The following GRIN2A variants were observed in gnomAD, a reference collection of about 807,000 sequenced individuals.
GRIN2A encodes glutamate ionotropic receptor NMDA type subunit 2A.
GRIN2A carries 22 observed loss-of-function variants against 113.4 expected under a neutral mutation model. The ratio of observed to expected loss-of-function variants is 0.19; its 90% CI spans 0.14 to 0.28. The LOEUF (loss-of-function observed/expected upper bound fraction) is 0.28, where lower values mean the gene tolerates loss of function less well. GRIN2A is among the 10% of genes least tolerant of loss of function. GRIN2A has a pLI of 1.00. For synonymous variants in GRIN2A, 827 were observed against 738.4 expected, an observed-to-expected ratio of 1.12 and a Z score of -1.94; for missense variants, 1,502 against 1,887.0, an observed-to-expected ratio of 0.80 and a Z score of 3.78.
chr16:10,120,354 G>C (rs758805573), intron 2 of GRIN2A, among the ~76,000 whole-genome samples: 5 of 152,128 alleles, frequency 3.3e-5, no homozygotes, highest in Non-Finnish European at 7.4e-5. Context: ...GAATTCTCCT[G>C]CTCAAAATGT....
rs1405692154 is a variant in GRIN2A at position 9,754,175 on chromosome 16, T to C, written c.*8974A>G. On this transcript the variant is annotated 3_prime_UTR_variant, in exon 13 of 13. Transcript: ENST00000330684. ...AATATATATACTATACATAAACATA[T>C]ACACATAAACATTCTGGGGTGATAT... is the stretch of plus-strand genomic sequence containing the variant. 6 of 187,074 alleles carry C rather than the reference T, an allele frequency of 3.2e-5. No homozygotes were observed. Among genetic ancestry groups the C allele is most frequent in the Non-Finnish European group, 6.8e-5 (6 of 88,738 alleles). 11.6% of individuals were successfully genotyped at this position (187,074 alleles called of 1,614,324 possible). A position where few individuals can be genotyped will look rare whatever the true frequency, so the allele number is the denominator to read the frequency against.
chr16:9,949,285 A>G (rs1181889864), intron 2 of GRIN2A, among the ~76,000 whole-genome samples: 1 of 152,232 alleles, frequency 6.6e-6, no homozygotes, highest in Non-Finnish European at 1.5e-5. Context: ...CAGTGAAGGT[A>G]TAAGTAAGCA....
chr16:10,090,882 T>C lies in GRIN2A; in HGVS notation c.414+89116A>G, dbSNP rs79486789. Among the ~76,000 whole-genome samples the C allele has an allele frequency of 1.3e-3, 191 of 152,212 alleles. 1 individual carries two copies. Among genetic ancestry groups the C allele is most frequent in the African/African-American group, 4.5e-3 (185 of 41,546 alleles). On this transcript the variant is annotated intron_variant, in intron 2 of 12. Coordinates refer to ENST00000330684, the MANE Select transcript of GRIN2A (RefSeq NM_001134407.3). ...AAATAAGATGAGCTAAAAAACTCTA[T>C]ACTCAATAGTTATTTCATCAAAGAT...
intron 2 of GRIN2A, among the ~76,000 whole-genome samples, chr16:10,170,200 G>T (rs1262968115): frequency 6.6e-6 from 1 of 152,176 alleles, no homozygotes; most frequent in African/African-American, 2.4e-5. Flanking sequence ...CAGTACACCG[G>T]TTCATGACCC....
chr16:9,833,834 C>T (rs576532392), intron 8 of GRIN2A, among the ~76,000 whole-genome samples: 2 of 152,292 alleles, frequency 1.3e-5, no homozygotes, highest in African/African-American at 4.8e-5. Flanking sequence ...ATTCTCCTGC[C>T]TCTGCCTCAT....
chr16:9,966,735 C>T (rs1374002004), intron 2 of GRIN2A, among the ~76,000 whole-genome samples: 5 of 152,188 alleles, frequency 3.3e-5, no homozygotes, highest in South Asian at 2.1e-4. Flanking sequence ...ACACTCCCAC[C>T]AACAGTGTAT....
intron 8 of GRIN2A, among the ~76,000 whole-genome samples, chr16:9,830,405 A>G (rs771581580): frequency 2.6e-5 from 4 of 152,016 alleles, no homozygotes; most frequent in Non-Finnish European, 5.9e-5. Context: ...TGATATGCCA[A>G]AATTTATGGC....
intron 3 of GRIN2A, among the ~76,000 whole-genome samples, chr16:9,902,921 C>G (rs1243421665): frequency 7.9e-6 from 1 of 126,444 alleles, no homozygotes; most frequent in Admixed American, 1.1e-4. Flanking sequence ...TCCTAATAAT[C>G]TTTCCTTCTC....
Position 9,760,374 on chromosome 16 carries a change from A to ATTTTTTTTTT in GRIN2A, c.*2765_*2774dup, listed in dbSNP as rs35189803. ...AAATTGACCATCTGATCAGTAGTTG[A>ATTTTTTTTTT]TTTTTTTTTTTTTTTTTTTTTTTTG... On this transcript the variant is annotated 3_prime_UTR_variant, in exon 13 of 13. Coordinates refer to ENST00000330684, the MANE Select transcript of GRIN2A (RefSeq NM_001134407.3). The ATTTTTTTTTT allele has an allele frequency of 5.4e-3, 512 of 94,022 alleles. 19 individuals are homozygous for ATTTTTTTTTT. Among genetic ancestry groups the ATTTTTTTTTT allele is most frequent in the Non-Finnish European group, 6.2e-3 (336 of 53,840 alleles). 5.8% of individuals were successfully genotyped at this position (94,022 alleles called of 1,614,324 possible).
intron 11 of GRIN2A, among the ~76,000 whole-genome samples, chr16:9,777,459 A>G (rs1388358929): frequency 6.6e-6 from 1 of 152,222 alleles, no homozygotes; most frequent in African/African-American, 2.4e-5. Flanking sequence ...AATAGATTGA[A>G]TTTGGGAGAT....
At chr16:9,937,224 G>T (rs946667032) in intron 3 of GRIN2A, among the ~76,000 whole-genome samples, 1 of 151,908 alleles carries the variant, frequency 6.6e-6, no homozygotes, top group East Asian at 1.9e-4. Flanking sequence ...TGTATTGGGG[G>T]TTGGGGCGGG....
intron 11 of GRIN2A, among the ~76,000 whole-genome samples, chr16:9,791,507 G>C (rs1452789251): frequency 6.6e-6 from 1 of 152,146 alleles, no homozygotes; most frequent in Non-Finnish European, 1.5e-5. Flanking sequence ...GGCCTCTCAG[G>C]GATACGCCGT....
chr16:9,791,168 A>G (rs1315882002), intron 11 of GRIN2A, among the ~76,000 whole-genome samples: 1 of 152,186 alleles, frequency 6.6e-6, no homozygotes, highest in Non-Finnish European at 1.5e-5. Context: ...AAATGCCACA[A>G]GTGTAGAGAT....
chr16:9,789,255 A>T (rs544479331), intron 11 of GRIN2A, among the ~76,000 whole-genome samples: 4 of 152,228 alleles, frequency 2.6e-5, no homozygotes, highest in African/African-American at 9.6e-5. Context: ...ATAAATGCTA[A>T]GGGAAATACT....
At chr16:10,165,511 CATAT>C (rs58396840) in intron 2 of GRIN2A, among the ~76,000 whole-genome samples, 1,774 of 138,748 alleles carry the variant, frequency 0.013, 16 homozygotes, top group South Asian at 0.02. Flanking sequence ...TATATATATA[CATAT>C]ATATATATAT....
Position 10,008,658 on chromosome 16 carries a change from T to G in GRIN2A, c.415-70107A>C, listed in dbSNP as rs1948193768. ...ACTCACACTTTTAGGCAGAGATCTG[T>G]GCAAGGATGTTCAAGGCATTTTTTG... is the stretch of plus-strand genomic sequence containing the variant. On this transcript the variant is annotated intron_variant, in intron 2 of 12. Coordinates refer to ENST00000330684, the MANE Select transcript of GRIN2A (RefSeq NM_001134407.3). Among the ~76,000 whole-genome samples the G allele has an allele frequency of 2.0e-5, 3 of 152,210 alleles. 1 individual carries two copies. The South Asian group carries it at 6.2e-4, about 32-fold the overall frequency.
At chr16:9,807,234 G>C (rs1482516002) in intron 10 of GRIN2A, among the ~76,000 whole-genome samples, 4 of 73,424 alleles carry the variant, frequency 5.4e-5, no homozygotes, top group Non-Finnish European at 2.8e-5. Context: ...AAAAAGTGGG[G>C]GGAGAGAGGG....
intron 2 of GRIN2A, among the ~76,000 whole-genome samples, chr16:10,016,513 G>A (rs897866117): frequency 4.6e-5 from 7 of 152,120 alleles, no homozygotes; most frequent in Non-Finnish European, 1.0e-4. Context: ...AGTGGACAAT[G>A]CAAAGGGTAG....
At chr16:9,771,700 T>A (rs79742915) in intron 11 of GRIN2A, among the ~76,000 whole-genome samples, 5,139 of 152,152 alleles carry the variant, frequency 0.034, 193 homozygotes, top group African/African-American at 0.092. Flanking sequence ...CTAAGCCCCA[T>A]GGGACTCCCA....
Sources: allele counts gnomAD v4.1 joint callset (sites outside exome capture counted in the v4.1 genomes callset), GRCh38; gene constraint gnomAD v4.1.1; transcripts MANE v1.5; gene names NCBI Gene and HGNC (gene_info 2026-07-23, HGNC 2026-07-21).